NCKAP5: variants seen among roughly 807,000 people sequenced by gnomAD.
NCKAP5 encodes the protein nck-associated protein 5.
NCKAP5 carries 92 observed loss-of-function variants against 167.0 expected under a neutral mutation model. The observed-to-expected ratio is 0.55, with a 90% CI of 0.47 to 0.66. The LOEUF is 0.66. NCKAP5 is among the 30% of genes least tolerant of loss of function. NCKAP5 has a pLI of 0.00. For missense variants in NCKAP5, 2,378 were observed against 2,315.0 expected (o/e 1.03, Z -0.56); for synonymous variants, 891 against 877.4 (o/e 1.02, Z -0.27).
chr2:133,620,955 A>G, the NCKAP5 span, among the ~76,000 whole-genome samples: 4 of 152,186 alleles, frequency 2.6e-5, no homozygotes, highest in Non-Finnish European at 5.9e-5. Context: ...ACTGGAAATC[A>G]ACTCCAAAAG....
chr2:133,040,233 T>G (rs1180079040), intron 6 of NCKAP5, among the ~76,000 whole-genome samples: 1 of 152,128 alleles, frequency 6.6e-6, no homozygotes, highest in African/African-American at 2.4e-5. Flanking sequence ...ACTTCTCCTT[T>G]CTCCTCCAAC....
Position 133,267,264 on chromosome 2 carries a change from T to A in NCKAP5, c.143+35773A>T, listed in dbSNP as rs1018223586. 2.0e-5 allele frequency: 3 copies of A among 152,246 alleles called. No individual in the cohort carries two copies. In the South Asian group the frequency reaches 6.3e-4, roughly 32 times the overall value. The allele number at this position is 152,246 out of a possible 1,614,324, so 9.4% of individuals were successfully genotyped here. A position where few individuals can be genotyped will look rare whatever the true frequency, so the allele number is the denominator to read the frequency against. ...TTCCTAGTAAGAAAAAAAAAATCTA[T>A]TCCCGCAGGTCCCTGGTTCCCTTCA... On this transcript the variant is annotated intron_variant, in intron 4 of 19. Transcript: ENST00000409261.
chr2:133,295,039 C>T (rs577938839), intron 4 of NCKAP5, among the ~76,000 whole-genome samples: 1 of 152,274 alleles, frequency 6.6e-6, no homozygotes, highest in East Asian at 1.9e-4. Flanking sequence ...AGTTTAGATT[C>T]TTGGAAGTTT....
intron 8 of NCKAP5, among the ~76,000 whole-genome samples, chr2:132,889,374 C>G (rs1574528848): frequency 6.6e-6 from 1 of 152,282 alleles, no homozygotes; most frequent in East Asian, 1.9e-4. Context: ...AACATCAATT[C>G]TTTTATGTGT....
chr2:132,726,254 A>T (rs529576920), intron 18 of NCKAP5, among the ~76,000 whole-genome samples: 1 of 152,362 alleles, frequency 6.6e-6, no homozygotes, highest in East Asian at 1.9e-4. Context: ...TCAGCTCCCA[A>T]AAGGACAGTA....
intron 4 of NCKAP5, among the ~76,000 whole-genome samples, chr2:133,214,028 C>A (rs1195378330): frequency 6.6e-6 from 1 of 152,112 alleles, no homozygotes; most frequent in Non-Finnish European, 1.5e-5. Context: ...AGATGCTTTG[C>A]TTTTAGTTCA....
At chr2:133,191,719 G>C (rs2085228779) in intron 5 of NCKAP5, among the ~76,000 whole-genome samples, 2 of 152,100 alleles carry the variant, frequency 1.3e-5, no homozygotes, top group Admixed American at 6.6e-5. Context: ...ATTGAACAAT[G>C]AGAACACTTG....
intron 4 of NCKAP5, among the ~76,000 whole-genome samples, chr2:133,270,281 T>C (rs1332385034): frequency 1.3e-5 from 2 of 152,190 alleles, no homozygotes; most frequent in Admixed American, 1.3e-4. Flanking sequence ...CAAAAATTGG[T>C]GAATTTTATT....
intron 15 of NCKAP5, among the ~76,000 whole-genome samples, chr2:132,775,073 A>AT (rs1682433261): frequency 6.6e-6 from 1 of 152,322 alleles, no homozygotes; most frequent in South Asian, 2.1e-4. Context: ...CATTCCAGAC[A>AT]GCCACCTAGG....
intron 19 of NCKAP5, among the ~76,000 whole-genome samples, chr2:132,706,545 A>G (rs781743162): frequency 1.5e-4 from 23 of 152,056 alleles, no homozygotes; most frequent in Non-Finnish European, 3.1e-4. Flanking sequence ...CTTCTTCTAT[A>G]TTAGCTTCTC....
At chr2:133,535,756 A>G (rs549948857) in intron 2 of NCKAP5, among the ~76,000 whole-genome samples, 2 of 152,318 alleles carry the variant, frequency 1.3e-5, no homozygotes, top group East Asian at 3.9e-4. Flanking sequence ...CATTCCCACC[A>G]ACAGTGTAAA....
intron 5 of NCKAP5, among the ~76,000 whole-genome samples, chr2:133,159,546 G>A (rs771652343): frequency 1.3e-4 from 20 of 152,180 alleles, no homozygotes; most frequent in Non-Finnish European, 2.9e-4. Context: ...ACGATCTATA[G>A]GGAGGGCAGT....
chr2:133,629,679 C>T, the NCKAP5 span, among the ~76,000 whole-genome samples: 1 of 152,082 alleles, frequency 6.6e-6, no homozygotes. Flanking sequence ...TTCATGAACA[C>T]ATATGTTCAA....
chr2:133,005,611 G>C (rs562618149), intron 6 of NCKAP5, among the ~76,000 whole-genome samples: 1 of 152,090 alleles, frequency 6.6e-6, no homozygotes, highest in Non-Finnish European at 1.5e-5. Flanking sequence ...AACATTCTCT[G>C]ATACCACGCA....
chr2:133,641,541 G>A, the NCKAP5 span, among the ~76,000 whole-genome samples: 7 of 152,318 alleles, frequency 4.6e-5, no homozygotes, highest in South Asian at 4.1e-4. Flanking sequence ...CAACTATCCT[G>A]TCCATAGTCA....
chr2:132,797,268 C>T (rs541540894), intron 11 of NCKAP5, among the ~76,000 whole-genome samples: 244 of 152,206 alleles, frequency 1.6e-3, no homozygotes, highest in Non-Finnish European at 2.5e-3. Flanking sequence ...AAAATAATTG[C>T]TTTGGGGACC....
At chr2:132,744,987 T>C (rs1679516929) in intron 16 of NCKAP5, among the ~76,000 whole-genome samples, 1 of 151,834 alleles carries the variant, frequency 6.6e-6, no homozygotes, top group Admixed American at 6.6e-5. Flanking sequence ...TCATGAAATA[T>C]TATAGGCCTA....
chr2:133,016,733 G>T (rs527784259), intron 6 of NCKAP5, among the ~76,000 whole-genome samples: 2 of 152,080 alleles, frequency 1.3e-5, no homozygotes, highest in Non-Finnish European at 2.9e-5. Flanking sequence ...TTCCAGAAAG[G>T]ATAGCTGAGT....
chr2:133,223,357 T>C (rs567033833), intron 4 of NCKAP5, among the ~76,000 whole-genome samples: 1 of 152,152 alleles, frequency 6.6e-6, no homozygotes, highest in Admixed American at 6.5e-5. Context: ...ACAGGTTTGC[T>C]CCTCTGAGGA....
Sources: allele counts gnomAD v4.1 joint callset (sites outside exome capture counted in the v4.1 genomes callset), GRCh38; gene constraint gnomAD v4.1.1; transcripts MANE v1.5; gene names NCBI Gene and HGNC (gene_info 2026-07-23, HGNC 2026-07-21).